The following TEAD3 variants were observed in gnomAD, a reference collection of about 807,000 sequenced individuals.
TEAD3 encodes the protein transcriptional enhancer factor TEF-5.
In TEAD3, 15 loss-of-function variants were observed where a neutral mutation model predicts 55.6. That is an observed-to-expected ratio of 0.27 (90% confidence interval 0.18 to 0.42). TEAD3 has a LOEUF of 0.42. Ranked by LOEUF, TEAD3 falls within the 10% of genes least tolerant of loss-of-function variation. The pLI, the probability that TEAD3 is intolerant of heterozygous loss-of-function variation, is 1.00. For missense variants in TEAD3, 407 were observed against 576.8 expected (o/e 0.71, Z 3.01); for synonymous variants, 210 against 232.2 (o/e 0.90, Z 0.87).
At position 35,483,593 on chromosome 6, in the gene TEAD3, A is replaced by G. The variant is rs1768305197; in HGVS notation, c.267+967T>C. Among the ~76,000 whole-genome samples, 2 of 152,076 alleles carry G rather than the reference A, an allele frequency of 1.3e-5. No homozygotes were observed. The highest frequency in any genetic ancestry group is 4.2e-4 in the South Asian group (2 of 4,816). The stretch of plus-strand genomic sequence containing the variant: ...ATCTAGGCCTCTGCTTATGCCCGCA[A>G]TGGCCAGCCTCTCTGTCTCCAGCCA... On this transcript the variant is annotated intron_variant, in intron 3 of 12. Transcript: ENST00000639578. The surrounding 1 kb of genome is among the most constrained non-coding windows in gnomAD (Gnocchi z 4.5).
intron 3 of TEAD3, 28 bp from the exon 4 acceptor site, chr6:35,480,402 G>C: frequency 6.2e-7 from 1 of 1,612,530 alleles, no homozygotes; most frequent in Non-Finnish European, 8.5e-7. Context: ...CCCCGCCAGA[G>C]AGGAAAACAT....
At chr6:35,481,711 G>T (rs1768271169) in intron 3 of TEAD3, among the ~76,000 whole-genome samples, 1 of 152,166 alleles carries the variant, frequency 6.6e-6, no homozygotes, top group Non-Finnish European at 1.5e-5. Context: ...CTGTCACACG[G>T]CTGAGTGCTA....
chr6:35,485,741 C>G lies in TEAD3; in HGVS notation c.202+720G>C, dbSNP rs1010150189. Among the ~76,000 whole-genome samples the G allele has an allele frequency of 1.3e-5, 2 of 152,174 alleles. No homozygotes were observed. The highest frequency in any genetic ancestry group is 2.9e-5 in the Non-Finnish European group (2 of 68,028). ...GGGCTGGGTGGGCGTGGCCAAGGGA[C>G]ACGGAGCGGACCTGATCCCTTCCCA... On this transcript the variant is annotated intron_variant, in intron 2 of 12. Transcript: ENST00000639578. The surrounding 1 kb of genome is among the most constrained non-coding windows in gnomAD (Gnocchi z 4.3).
At chr6:35,477,738 C>T (rs967286329) in intron 7 of TEAD3, among the ~76,000 whole-genome samples, 1 of 151,420 alleles carries the variant, frequency 6.6e-6, no homozygotes, top group African/African-American at 2.4e-5. Context: ...AGAAACTGAG[C>T]AGAAAGTAAA....
rs954305506 is a variant in TEAD3, at chr6:35,486,069, T to A, written c.202+392A>T. Among the ~76,000 whole-genome samples, 4 of 152,152 alleles carry A rather than the reference T, an allele frequency of 2.6e-5. No individual in the cohort carries two copies. Among genetic ancestry groups the A allele is most frequent in the Non-Finnish European group, 5.9e-5 (4 of 68,014 alleles). On this transcript the variant is annotated intron_variant, in intron 2 of 12. Coordinates refer to ENST00000639578, the Ensembl canonical transcript of TEAD3. This position sits in a 1 kb window ranked among gnomAD's most constrained non-coding sequence, Gnocchi z 7.3. Reference sequence around the variant, plus strand: ...TCCCACAGCCCGCACTGGAGAGAACTATACGGGCTGTGGGAGTCACCGGGC... The same window carrying A: ...TCCCACAGCCCGCACTGGAGAGAACAATACGGGCTGTGGGAGTCACCGGGC...
chr6:35,486,761 G>A lies in TEAD3; in HGVS notation c.-49-50C>T. ...GGGACCAGGGTCCTCCTCGACCACA[G>A]CAATCTCCTATCCCACAGCCGCTGG... On this transcript the variant is annotated intron_variant, in intron 1 of 12. Coordinates refer to ENST00000639578, the Ensembl canonical transcript of TEAD3. This position sits in a 1 kb window ranked among gnomAD's most constrained non-coding sequence, Gnocchi z 7.3. The A allele has an allele frequency of 2.3e-6, 3 of 1,329,034 alleles. No individual in the cohort carries two copies. The highest frequency in any genetic ancestry group is 3.1e-6 in the Non-Finnish European group (3 of 961,098). 82.3% of individuals were successfully genotyped at this position (1,329,034 alleles called of 1,614,324 possible).
At chr6:35,477,321 CGGCGGCAGG>C in exon 8 of TEAD3, 1 of 1,608,060 alleles carries the variant, frequency 6.2e-7, no homozygotes, top group Non-Finnish European at 8.5e-7. Context: ...TGCTGAGCGT[CGGCGGCAGG>C]GGCGGCTGGA....
chr6:35,495,097 C>G (rs1768612288), intron 1 of TEAD3, among the ~76,000 whole-genome samples: 1 of 152,214 alleles, frequency 6.6e-6, no homozygotes, highest in Admixed American at 6.5e-5. Context: ...AGCAGGGAAA[C>G]TGAGGCCCAA....
At chr6:35,495,633 G>C (rs60375063) in intron 1 of TEAD3, among the ~76,000 whole-genome samples, 4 of 152,082 alleles carry the variant, frequency 2.6e-5, no homozygotes, top group Admixed American at 1.3e-4. Flanking sequence ...GTCTTGGTGG[G>C]AGGGGGGCTA....
At chr6:35,493,675 T>C (rs1178259728) in intron 1 of TEAD3, among the ~76,000 whole-genome samples, 1 of 152,162 alleles carries the variant, frequency 6.6e-6, no homozygotes, top group East Asian at 1.9e-4. Context: ...CCTGAGGCCA[T>C]CTCACATGCT....
In TEAD3 at chr6:35,486,315, C is replaced by A; in HGVS notation, c.202+146G>T. The A allele has an allele frequency of 6.1e-6, 6 of 980,272 alleles. No individual in the cohort carries two copies. The South Asian group carries it at 1.0e-4, about 17-fold the overall frequency. The allele number at this position is 980,272 out of a possible 1,614,324, so 60.7% of individuals were successfully genotyped here. ...CCCGGCTTGTTTATGAGGAGGAGCG[C>A]GGAGGAGGATCCAGACACACAGGCT... On this transcript the variant is annotated intron_variant, in intron 2 of 12. Transcript: ENST00000639578. The surrounding 1 kb of genome is among the most constrained non-coding windows in gnomAD (Gnocchi z 7.3).
chr6:35,493,320 T>A (rs2150918650), intron 1 of TEAD3, among the ~76,000 whole-genome samples: 1 of 41,722 alleles, frequency 2.4e-5, no homozygotes, highest in Non-Finnish European at 4.5e-5. Flanking sequence ...TCCACATAGA[T>A]GCCACACGTC....
intron 1 of TEAD3, among the ~76,000 whole-genome samples, chr6:35,487,802 A>G (rs756253836): frequency 1.3e-5 from 2 of 152,244 alleles, no homozygotes; most frequent in Non-Finnish European, 2.9e-5. Context: ...TAGGGAATAA[A>G]GCCCATTATC....
In TEAD3 at chr6:35,496,694, G is replaced by C. The variant is rs1768668959; in HGVS notation, c.-50+204C>G. On this transcript the variant is annotated intron_variant, in intron 1 of 12. Coordinates refer to ENST00000639578, the Ensembl canonical transcript of TEAD3. This position sits in a 1 kb window ranked among gnomAD's most constrained non-coding sequence, Gnocchi z 4.8. ...AACTCGTCCCCGTCGCGGGGGGGTG[G>C]GGAGGGCGGGGGGCGGGGCTTCCCG... 6.6e-6 allele frequency among the ~76,000 whole-genome samples: 1 copy of C among 152,144 alleles called. No homozygotes were observed. The highest frequency in any genetic ancestry group is 2.4e-5 in the African/African-American group (1 of 41,440).
chr6:35,494,108 G>A (rs1768591333), intron 1 of TEAD3, among the ~76,000 whole-genome samples: 2 of 152,092 alleles, frequency 1.3e-5, no homozygotes, highest in Non-Finnish European at 2.9e-5. Flanking sequence ...TCTGACCAAG[G>A]TTCTCTTCCA....
intron 6 of TEAD3, 35 bp downstream of exon 6, chr6:35,478,399 C>T: frequency 6.2e-7 from 1 of 1,613,508 alleles, no homozygotes. Context: ...TTACAGCACA[C>T]CCCCACACCA....
rs1042880912 is a variant in TEAD3 at position 35,485,629 on chromosome 6, A to G, written c.202+832T>C. On this transcript the variant is annotated intron_variant, in intron 2 of 12. Transcript: ENST00000639578. The surrounding 1 kb of genome is among the most constrained non-coding windows in gnomAD (Gnocchi z 4.3). ...CTAAAAATACCCTGTGGGGCTCCCC[A>G]GCCTGGGAGGCAGCAGTGGGGGCAG... 1.3e-5 allele frequency among the ~76,000 whole-genome samples: 2 copies of G among 152,080 alleles called. No homozygotes were observed. Among genetic ancestry groups the G allele is most frequent in the African/African-American group, 4.8e-5 (2 of 41,432 alleles).
At position 35,480,301 on chromosome 6, in the gene TEAD3, AC is replaced by A; in HGVS notation, c.268-180del. ...GGAGGGCTGAAGGCCCCCGCCAGGC[AC>A]CCAACATACCTTGATGCCAACCTGG... is the stretch of plus-strand genomic sequence containing the variant. On this transcript the variant is annotated intron_variant, in intron 3 of 12. Transcript: ENST00000639578. 6.2e-7 allele frequency: 1 copy of A among 1,613,434 alleles called. No individual in the cohort carries two copies. Among genetic ancestry groups the A allele is most frequent in the South Asian group, 1.1e-5 (1 of 90,870 alleles).
intron 5 of TEAD3, among the ~76,000 whole-genome samples, chr6:35,478,877 CTTTT>C (rs67071124): frequency 4.7e-5 from 5 of 106,742 alleles, no homozygotes; most frequent in Non-Finnish European, 1.9e-5. Context: ...CTCCTATTTT[CTTTT>C]TTTTTTTTTT....
Sources: allele counts gnomAD v4.1 joint callset (sites outside exome capture counted in the v4.1 genomes callset), GRCh38; gene constraint gnomAD v4.1.1; non-coding constraint Gnocchi (gnomAD v3.1); transcripts MANE v1.5; gene names NCBI Gene and HGNC (gene_info 2026-07-23, HGNC 2026-07-21).